The following CCDC88A variants were observed in gnomAD, a reference collection of about 807,000 sequenced individuals.
CCDC88A encodes coiled-coil and HOOK domain protein 88A.
In CCDC88A, 54 loss-of-function variants were observed where a neutral mutation model predicts 234.3. The ratio of observed to expected loss-of-function variants is 0.23; its 90% confidence interval spans 0.19 to 0.29. The LOEUF is 0.29. CCDC88A is among the 10% of genes least tolerant of loss of function. CCDC88A has a pLI of 1.00. For missense variants in CCDC88A, 1,832 were observed against 2,123.4 expected, an observed-to-expected ratio of 0.86 and a Z score of 2.70; for synonymous variants, 753 against 737.8, an observed-to-expected ratio of 1.02 and a Z score of -0.33.
chr2:55,398,630 G>A (rs1480422720), intron 2 of CCDC88A, among the ~76,000 whole-genome samples: 3 of 151,734 alleles, frequency 2.0e-5, no homozygotes, highest in Non-Finnish European at 4.4e-5. Flanking sequence ...CTAAGCTCCT[G>A]GGCTGGCAAC....
chr2:55,390,464 T>C (rs941074432), intron 2 of CCDC88A, among the ~76,000 whole-genome samples: 2 of 152,130 alleles, frequency 1.3e-5, no homozygotes, highest in African/African-American at 2.4e-5. Context: ...ATTCAACCAC[T>C]TACGCTGAGA....
chr2:55,302,067 T>C lies in CCDC88A; in HGVS notation c.4477A>G (p.Asn1493Asp), dbSNP rs1680958658. The C allele has an allele frequency of 3.7e-6, 6 of 1,613,312 alleles. No homozygotes were observed. Among genetic ancestry groups the C allele is most frequent in the Non-Finnish European group, 3.4e-6 (4 of 1,179,266 alleles). ...AGGACCATGGACTGCACCAGGTCAT[T>C]CATGGCTGGGATGCAAATGAAAGCA... The part of the protein sequence containing the change: ...KACYRRSMSM[N>D]DLVQSMVLAG... The change falls in exon 27 of 33, where the codon AAT (asparagine) becomes GAT (aspartate). Residue 1493 changes from asparagine (N) to aspartate (D), a missense_variant. Asn to Asp is a conservative substitution (Grantham distance 23). Around this residue, in one of 6 missense-constraint regions of CCDC88A, gnomAD observed 1,282 missense variants for 1,543.6 expected, o/e 0.83. Coordinates refer to ENST00000436346, the MANE Select transcript of CCDC88A (RefSeq NM_001365480.1).
At chr2:55,417,183 G>T (rs1315864939) in intron 2 of CCDC88A, 1 of 150,754 alleles carries the variant, frequency 6.6e-6, no homozygotes, top group Non-Finnish European at 1.5e-5. Flanking sequence ...AAGTATTTAG[G>T]ATGCAAAAAA....
rs1270155476 is a variant in CCDC88A, at chr2:55,319,046, G to A, written c.3163-42C>T. On this transcript the variant is annotated intron_variant, in intron 18 of 32. Transcript: ENST00000436346. ...CAAAACCAAACATATTAACAATAAT[G>A]GCAACATCAAATATGTTTCTATAGT... The A allele has an allele frequency of 5.2e-6, 8 of 1,529,468 alleles. No homozygotes were observed. The African/African-American group carries it at 6.8e-5, about 13-fold the overall frequency. The allele number at this position is 1,529,468 out of a possible 1,614,324, so 94.7% of individuals were successfully genotyped here. A position where few individuals can be genotyped will look rare whatever the true frequency, so the allele number is the denominator to read the frequency against.
chr2:55,370,146 C>A (rs1026639183), intron 5 of CCDC88A, among the ~76,000 whole-genome samples: 1 of 152,100 alleles, frequency 6.6e-6, no homozygotes, highest in African/African-American at 2.4e-5. Context: ...TCTGCTATGA[C>A]TACATGGACA....
chr2:55,387,719 T>C (rs1574412206), intron 3 of CCDC88A, among the ~76,000 whole-genome samples: 1 of 141,716 alleles, frequency 7.1e-6, no homozygotes. Flanking sequence ...GAGGCAGAGG[T>C]TGCAGTGAGA....
intron 29 of CCDC88A, among the ~76,000 whole-genome samples, chr2:55,297,340 T>TTATATATTATATATAAATATATATAA (rs70949100): frequency 0.18 from 6,531 of 36,812 alleles, 1,860 homozygotes; most frequent in East Asian, 0.53. Context: ...ATATATAAAT[T>TTATATATTATATATAAATATATATAA]TATATATTAT....
intron 8 of CCDC88A, 90 bp downstream of exon 8, chr2:55,355,489 G>A (rs1670450400): frequency 1.5e-5 from 16 of 1,099,822 alleles, no homozygotes; most frequent in Non-Finnish European, 2.1e-5. Context: ...ACTGACACAA[G>A]CTAGCAATAT....
chr2:55,348,101 A>G (rs1304862304), intron 9 of CCDC88A, among the ~76,000 whole-genome samples: 2 of 151,948 alleles, frequency 1.3e-5, no homozygotes, highest in African/African-American at 2.4e-5. Context: ...AGCTGGGACT[A>G]CAGGCGAGTG....
Position 55,390,053 on chromosome 2 carries a change from A to AAAAAAAAAAAAAAAAAAAAAAAAAAG in CCDC88A, c.165-1168_165-1167insCTTTTTTTTTTTTTTTTTTTTTTTTT, listed in dbSNP as rs377022377. On this transcript the variant is annotated intron_variant, in intron 2 of 32. Transcript: ENST00000436346. ...GAGACTCAAAAAAAAAAAAAAATAA[A>AAAAAAAAAAAAAAAAAAAAAAAAAAG]AAATAAAGATAGAACATTTCAAAGT... Among the ~76,000 whole-genome samples, 74 of 79,730 alleles carry AAAAAAAAAAAAAAAAAAAAAAAAAAG rather than the reference A, an allele frequency of 9.3e-4. 13 individuals carry two copies. Among genetic ancestry groups the AAAAAAAAAAAAAAAAAAAAAAAAAAG allele is most frequent in the East Asian group, 2.2e-3 (4 of 1,838 alleles). The allele number at this position is 79,730 out of a possible 152,430, so 52.3% of individuals were successfully genotyped here. A position where few individuals can be genotyped will look rare whatever the true frequency, so the allele number is the denominator to read the frequency against.
At chr2:55,379,678 A>G (rs974796003) in intron 3 of CCDC88A, among the ~76,000 whole-genome samples, 1 of 152,218 alleles carries the variant, frequency 6.6e-6, no homozygotes, top group Non-Finnish European at 1.5e-5. Flanking sequence ...CTGTAATCCC[A>G]GCACTTCGGG....
At position 55,322,680 on chromosome 2, in the gene CCDC88A, A is replaced by G. The variant is rs779248136; in HGVS notation, c.3010T>C (p.Tyr1004His). 11 of 1,528,412 alleles carry G rather than the reference A, an allele frequency of 7.2e-6. No homozygotes were observed. Among genetic ancestry groups the G allele is most frequent in the Admixed American group, 2.2e-5 (1 of 44,966 alleles). The allele number at this position is 1,528,412 out of a possible 1,614,324, so 94.7% of individuals were successfully genotyped here. A position where few individuals can be genotyped will look rare whatever the true frequency, so the allele number is the denominator to read the frequency against. ...RQELKTVKKN[Y>H]EALKQRQDEE... Reference sequence around the variant, plus strand: ...TCTTGTCTCTGTTTGAGAGCTTCATAATTTTTTTTCACCTAAAATTTTATT... The same window carrying G: ...TCTTGTCTCTGTTTGAGAGCTTCATGATTTTTTTTCACCTAAAATTTTATT... The change falls in exon 18 of 33, where the codon TAT becomes CAT. Residue 1004 changes from tyrosine to histidine, a missense_variant. Around this residue, in one of 6 missense-constraint regions of CCDC88A, gnomAD observed 1,282 missense variants for 1,543.6 expected, o/e 0.83. Transcript: ENST00000436346.
intron 3 of CCDC88A, among the ~76,000 whole-genome samples, chr2:55,384,590 CACATATATACGTATATATGTGT>C (rs1675223163): frequency 5.1e-4 from 1 of 1,950 alleles, no homozygotes; most frequent in African/African-American, 1.2e-3. Flanking sequence ...TGTATATATA[CACATATATACGTATATATGTGT>C]ATATATACGT....
chr2:55,310,006 A>G (rs1186314861), intron 23 of CCDC88A, among the ~76,000 whole-genome samples: 1 of 152,212 alleles, frequency 6.6e-6, no homozygotes, highest in African/African-American at 2.4e-5. Flanking sequence ...TCCATCTTAG[A>G]TCACGAAATA....
intron 4 of CCDC88A, among the ~76,000 whole-genome samples, chr2:55,374,111 T>C (rs1485190746): frequency 3.3e-5 from 5 of 152,206 alleles, no homozygotes; most frequent in African/African-American, 1.2e-4. Flanking sequence ...TGGTGGCTCA[T>C]GCCTCTAATC....
Position 55,334,057 on chromosome 2 carries a change from A to T in CCDC88A, c.2727+37T>A. On this transcript the variant is annotated intron_variant, in intron 15 of 32. Coordinates refer to ENST00000436346, the MANE Select transcript of CCDC88A (RefSeq NM_001365480.1). This position sits in a 1 kb window ranked among gnomAD's most constrained non-coding sequence, Gnocchi z 6.1. ...AAAGAAACCTTGAGTTAAAAATATAAAAAAAAATTTGCCTTAATTTAGGTA... is the reference window on the plus strand; with the variant it reads ...AAAGAAACCTTGAGTTAAAAATATATAAAAAAATTTGCCTTAATTTAGGTA... The T allele has an allele frequency of 3.8e-6, 3 of 790,814 alleles. No individual in the cohort carries two copies. Among genetic ancestry groups the T allele is most frequent in the Non-Finnish European group, 5.4e-6 (3 of 553,888 alleles). The allele number at this position is 790,814 out of a possible 1,614,324, so 49.0% of individuals were successfully genotyped here. A position where few individuals can be genotyped will look rare whatever the true frequency, so the allele number is the denominator to read the frequency against.
At chr2:55,407,597 T>G (rs1175411268) in intron 2 of CCDC88A, among the ~76,000 whole-genome samples, 2 of 151,894 alleles carry the variant, frequency 1.3e-5, no homozygotes, top group Admixed American at 6.6e-5. Context: ...AGAGCAAGAC[T>G]CTGTCTCAAA....
At chr2:55,414,177 A>C (rs1558854682) in intron 2 of CCDC88A, among the ~76,000 whole-genome samples, 1 of 152,198 alleles carries the variant, frequency 6.6e-6, no homozygotes, top group Admixed American at 6.5e-5. Context: ...TTTTCTCAGT[A>C]CTTAAAATCC....
rs1206858807 is a variant in CCDC88A, at chr2:55,308,902, G to C, written c.4294C>G (p.Leu1432Val). The change falls in exon 25 of 33, where the codon CTT becomes GTT. Residue 1432 changes from leucine (L) to valine (V), a missense_variant. By Grantham distance (32) the Leu-to-Val change is conservative. Coordinates refer to ENST00000436346, the MANE Select transcript of CCDC88A (RefSeq NM_001365480.1). ...PTRSDSSEGF[L>V]QLPHQDSQDS... is the part of the protein sequence containing the mutation. ...TGACTGTCTTGATGAGGGAGCTGAA[G>C]AAATCCTTCACTGGAGTCTGAGCGG... 2 of 1,613,960 alleles carry C rather than the reference G, an allele frequency of 1.2e-6. No homozygotes were observed. The highest frequency in any genetic ancestry group is 2.7e-5 in the African/African-American group (2 of 74,932).
Sources: gnomAD v4.1 joint callset for allele counts (sites outside exome capture counted in the v4.1 genomes callset) on GRCh38, gnomAD v4.1.1 for gene constraint, gnomAD v4.1.1 regional missense constraint, Gnocchi (gnomAD v3.1) non-coding constraint, MANE v1.5 for transcripts, NCBI Gene and HGNC (gene_info 2026-07-23, HGNC 2026-07-21) for gene names.